Variants in DNAH11 observed in about 807,000 individuals in gnomAD.
DNAH11 encodes the protein dynein axonemal heavy chain 11.
In DNAH11, 442 loss-of-function variants were observed where a neutral mutation model predicts 526.0. The observed-to-expected ratio is 0.84, with a 90% CI of 0.78 to 0.91. The LOEUF is 0.91. Among genes scored for constraint, DNAH11 ranks in the 40% least tolerant of loss-of-function variants. The pLI is 0.00. For missense variants in DNAH11, 6,989 were observed against 5,448.7 expected (o/e 1.28, Z -8.90); for synonymous variants, 2,461 against 1,935.9 (o/e 1.27, Z -7.12).
Position 21,601,486 on chromosome 7 carries a change from C to T in DNAH11, c.3516C>T (p.Ile1172=), listed in dbSNP as rs1205514679. ...GTGATCATGATGGTTTAGTTGACAT[C>T]ATGGTGCATCTTCTGGCTGTAAGAA... The part of the protein sequence containing the change: ...NEGDHDGLVD[I]MVHLLAVRSR... Residue 1172 remains isoleucine, a synonymous_variant, in exon 18 of 82, where the codon ATC becomes ATT. Coordinates refer to ENST00000409508, the MANE Select transcript of DNAH11 (RefSeq NM_001277115.2). 2 of 1,613,830 alleles carry T rather than the reference C, an allele frequency of 1.2e-6. No homozygotes were observed. Among genetic ancestry groups the T allele is most frequent in the Non-Finnish European group, 8.5e-7 (1 of 1,179,804 alleles).
intron 76 of DNAH11, among the ~76,000 whole-genome samples, chr7:21,891,156 G>A (rs965662305): frequency 3.9e-5 from 6 of 152,110 alleles, no homozygotes; most frequent in Non-Finnish European, 2.9e-5. Flanking sequence ...ATACTTCTAA[G>A]GTTTGTTGTA....
At chr7:21,876,624 C>G (rs548758220) in intron 74 of DNAH11, among the ~76,000 whole-genome samples, 1 of 152,364 alleles carries the variant, frequency 6.6e-6, no homozygotes, top group South Asian at 2.1e-4. Flanking sequence ...TGTGTTACCA[C>G]AAATTGTCAT....
chr7:21,675,474 G>T (rs934026203), intron 30 of DNAH11, among the ~76,000 whole-genome samples: 3 of 152,142 alleles, frequency 2.0e-5, no homozygotes, highest in Non-Finnish European at 4.4e-5. Flanking sequence ...CCTATATCAG[G>T]CAAGGCCTTA....
intron 25 of DNAH11, among the ~76,000 whole-genome samples, chr7:21,631,752 TTTCACAGGCTGGTG>T: frequency 6.6e-6 from 1 of 152,194 alleles, no homozygotes; most frequent in Admixed American, 6.5e-5. Context: ...TCCCGGCTGC[TTTCACAGGCTGGTG>T]TTGAGTATCT....
At chr7:21,893,371 T>G (rs1452263853) in intron 77 of DNAH11, among the ~76,000 whole-genome samples, 1 of 152,262 alleles carries the variant, frequency 6.6e-6, no homozygotes, top group East Asian at 1.9e-4. Flanking sequence ...CACAGTGGTT[T>G]TAATTTTGCA....
rs755816111 is a variant in DNAH11 at position 21,558,935 on chromosome 7, C to A, written c.629C>A (p.Thr210Asn). 7 of 1,597,136 alleles carry A rather than the reference C, an allele frequency of 4.4e-6. No individual in the cohort carries two copies. The highest frequency in any genetic ancestry group is 1.3e-5 in the African/African-American group (1 of 74,658). The change falls in exon 3 of 82, where the codon ACT (threonine) becomes AAT (asparagine). Residue 210 changes from threonine to asparagine, a missense_variant. Coordinates refer to ENST00000409508, the MANE Select transcript of DNAH11 (RefSeq NM_001277115.2). ...YIFRGKMSRR[T>N]LLPIPTVAGK... ...TTTAGGGGCAAAATGTCTAGAAGAA[C>A]TCTTCTACCAATTCCCACTGTTGCA...
In DNAH11 at chr7:21,575,173, A is replaced by C. The variant is rs908559909; in HGVS notation, c.1593+3200A>C. Among the ~76,000 whole-genome samples the C allele has an allele frequency of 5.3e-5, 8 of 152,232 alleles. No homozygotes were observed. In the East Asian group the frequency reaches 7.7e-4, roughly 15 times the overall value. On this transcript the variant is annotated intron_variant, in intron 8 of 81. Transcript: ENST00000409508. ...ATTACAGGCATGAGCCACCATGCCC[A>C]GCCCCTGCATTCTTTTCACTGCACC... is the stretch of plus-strand genomic sequence containing the variant.
chr7:21,559,686 A>G lies in DNAH11; in HGVS notation c.776A>G (p.Glu259Gly). ...TCACATCAAATCCAAGAAATTATAG[A>G]AAGAGATTCAGTGCAGCGTTTGTTG... The part of the protein sequence containing the change: ...EWSHQIQEII[E>G]RDSVQRLLNG... The change falls in exon 4 of 82, where the codon GAA becomes GGA. Residue 259 changes from glutamate to glycine, a missense_variant. Coordinates refer to ENST00000409508, the MANE Select transcript of DNAH11 (RefSeq NM_001277115.2). 6.2e-7 allele frequency: 1 copy of G among 1,611,568 alleles called. No individual in the cohort carries two copies. Among genetic ancestry groups the G allele is most frequent in the Non-Finnish European group, 8.5e-7 (1 of 1,178,842 alleles).
chr7:21,654,631 T>A lies in DNAH11; in HGVS notation c.4945-1201T>A, dbSNP rs148479676. On this transcript the variant is annotated intron_variant, in intron 28 of 81. Coordinates refer to ENST00000409508, the MANE Select transcript of DNAH11 (RefSeq NM_001277115.2). ...GAGGAGTTGCTGGATCATTGCTAAT[T>A]CTATGTTTAAGTTTTTGAGGAACCA... 1.4e-4 allele frequency among the ~76,000 whole-genome samples: 22 copies of A among 152,274 alleles called. No homozygotes were observed. In the East Asian group the frequency reaches 4.2e-3, roughly 29 times the overall value.
At chr7:21,899,861 C>T (rs1273282379) in intron 80 of DNAH11, 119 bp from the exon 81 acceptor site, 1 of 1,262,856 alleles carries the variant, frequency 7.9e-7, no homozygotes, top group Non-Finnish European at 1.1e-6. Context: ...AGCCATGTGC[C>T]AATGCCCAAG....
chr7:21,898,681 A>G (rs1280389664), intron 79 of DNAH11, among the ~76,000 whole-genome samples: 2 of 152,210 alleles, frequency 1.3e-5, no homozygotes, highest in African/African-American at 4.8e-5. Context: ...CAGCTTCCTT[A>G]TAGGTCAACT....
At chr7:21,609,298 C>T (rs2128449919) in intron 20 of DNAH11, among the ~76,000 whole-genome samples, 1 of 152,304 alleles carries the variant, frequency 6.6e-6, no homozygotes, top group African/African-American at 2.4e-5. Context: ...TCACTACAAC[C>T]TCTGCCTCCC....
In DNAH11 at chr7:21,842,602, C is replaced by T. The variant is rs886062183; in HGVS notation, c.10750C>T (p.His3584Tyr). Reference sequence around the variant, plus strand: ...TAACAAGAACTTTCGCCTTATCCTTCACACAAAATTGGCAAATCCTCACTA... The same window carrying T: ...TAACAAGAACTTTCGCCTTATCCTTTACACAAAATTGGCAAATCCTCACTA... ...EFNKNFRLILHTKLANPHYKP... is the reference protein window; with the variant it reads ...EFNKNFRLILYTKLANPHYKP... Residue 3584 changes from histidine to tyrosine, a missense_variant, in exon 66 of 82, where the codon CAC becomes TAC. His to Tyr is a moderately conservative substitution (Grantham distance 83). Coordinates refer to ENST00000409508, the MANE Select transcript of DNAH11 (RefSeq NM_001277115.2). 6 of 1,613,966 alleles carry T rather than the reference C, an allele frequency of 3.7e-6. No individual in the cohort carries two copies. The highest frequency in any genetic ancestry group is 5.1e-6 in the Non-Finnish European group (6 of 1,179,874).
chr7:21,782,918 AAAAAG>A (rs200706806), intron 57 of DNAH11, among the ~76,000 whole-genome samples: 49,842 of 144,552 alleles, frequency 0.34, 8,607 homozygotes, highest in Non-Finnish European at 0.42. Flanking sequence ...AAAAAAAAAA[AAAAAG>A]AAAGAAAGAA....
intron 62 of DNAH11, among the ~76,000 whole-genome samples, chr7:21,806,973 A>G (rs1439191582): frequency 6.6e-6 from 1 of 152,230 alleles, no homozygotes; most frequent in Non-Finnish European, 1.5e-5. Context: ...TGATTATATT[A>G]GAAAACTAAC....
chr7:21,735,464 A>G (rs547725889), intron 45 of DNAH11, among the ~76,000 whole-genome samples, 176 bp from the exon 46 acceptor site: 2 of 152,324 alleles, frequency 1.3e-5, no homozygotes, highest in Non-Finnish European at 2.9e-5. Context: ...CTAACCATTC[A>G]AAATTGAAAA....
intron 22 of DNAH11, among the ~76,000 whole-genome samples, chr7:21,616,719 A>G (rs1463004107): frequency 6.6e-6 from 1 of 152,172 alleles, no homozygotes. Context: ...GCGGAATACT[A>G]TGATCTTTGT....
intron 14 of DNAH11, among the ~76,000 whole-genome samples, chr7:21,597,535 A>G (rs908999950): frequency 6.6e-6 from 1 of 152,176 alleles, no homozygotes; most frequent in Non-Finnish European, 1.5e-5. Flanking sequence ...ATCATGGCAG[A>G]AGGCAAAGGG....
chr7:21,731,990 G>T (rs1785407048), intron 45 of DNAH11, among the ~76,000 whole-genome samples: 1 of 152,084 alleles, frequency 6.6e-6, no homozygotes, highest in South Asian at 2.1e-4. Flanking sequence ...AGATATATAG[G>T]TATAGGAAAA....
Sources: gnomAD v4.1 joint callset for allele counts (sites outside exome capture counted in the v4.1 genomes callset) on GRCh38, gnomAD v4.1.1 for gene constraint, MANE v1.5 for transcripts, NCBI Gene and HGNC (gene_info 2026-07-23, HGNC 2026-07-21) for gene names.